GRIK2: variants seen among roughly 807,000 people sequenced by gnomAD.
The protein encoded by GRIK2 is glutamate ionotropic receptor kainate type subunit 2.
A neutral mutation model predicts 100.3 loss-of-function variants in GRIK2; 32 were observed. That is an observed-to-expected ratio of 0.32 (90% CI 0.24 to 0.43). GRIK2 has a LOEUF of 0.43. Among genes scored for constraint, GRIK2 ranks in the 20% least tolerant of loss-of-function variants. The pLI is 1.00. For missense variants in GRIK2, 843 were observed against 1,114.9 expected, an observed-to-expected ratio of 0.76 and a Z score of 3.47; for synonymous variants, 417 against 389.4, an observed-to-expected ratio of 1.07 and a Z score of -0.83.
At chr6:101,523,720 C>CT (rs1163558120) in intron 2 of GRIK2, among the ~76,000 whole-genome samples, 3,428 of 121,502 alleles carry the variant, frequency 0.028, 82 homozygotes, top group African/African-American at 0.038. Context: ...ACTCCTAAGT[C>CT]TTTTTTTTTT....
chr6:101,816,925 T>A (rs527377539), intron 9 of GRIK2, among the ~76,000 whole-genome samples: 6 of 152,230 alleles, frequency 3.9e-5, no homozygotes, highest in African/African-American at 1.4e-4. Flanking sequence ...TGGCCCCTCC[T>A]TTCTACTGTG....
chr6:102,052,297 T>C (rs116536120), intron 15 of GRIK2, among the ~76,000 whole-genome samples: 292 of 152,374 alleles, frequency 1.9e-3, no homozygotes, highest in African/African-American at 6.9e-3. Context: ...CATTGATTTA[T>C]TGGCATTGAT....
At chr6:102,016,039 C>T (rs1322090921) in intron 14 of GRIK2, among the ~76,000 whole-genome samples, 3 of 152,076 alleles carry the variant, frequency 2.0e-5, no homozygotes, top group African/African-American at 7.2e-5. Context: ...GGAACATCAG[C>T]CCACAAAGAT....
At chr6:101,720,507 A>G (rs939960012) in intron 7 of GRIK2, among the ~76,000 whole-genome samples, 1 of 152,054 alleles carries the variant, frequency 6.6e-6, no homozygotes, top group East Asian at 1.9e-4. Flanking sequence ...AGTATTGTCT[A>G]TTAATAATTC....
chr6:101,580,931 C>T (rs1236126957), intron 2 of GRIK2, among the ~76,000 whole-genome samples: 1 of 152,034 alleles, frequency 6.6e-6, no homozygotes, highest in Non-Finnish European at 1.5e-5. Context: ...CTGCCCAACT[C>T]CTAGCACTCC....
At chr6:101,397,125 T>A (rs190997179) in intron 1 of GRIK2, among the ~76,000 whole-genome samples, 19 of 152,340 alleles carry the variant, frequency 1.2e-4, no homozygotes, top group African/African-American at 4.6e-4. Context: ...TTTTGTTTTC[T>A]CAGGTTCCAA....
At chr6:101,573,277 A>G (rs627428) in intron 2 of GRIK2, among the ~76,000 whole-genome samples, 30,741 of 152,016 alleles carry the variant, frequency 0.2, 5,526 homozygotes, top group African/African-American at 0.49. Flanking sequence ...TTTATTGTCT[A>G]TGTTTGTCTT....
At chr6:101,778,313 T>C (rs1326789628) in intron 7 of GRIK2, among the ~76,000 whole-genome samples, 1 of 152,096 alleles carries the variant, frequency 6.6e-6, no homozygotes, top group Non-Finnish European at 1.5e-5. Flanking sequence ...CCAAGAAAAA[T>C]GGTGAATCAC....
intron 4 of GRIK2, among the ~76,000 whole-genome samples, chr6:101,656,377 G>A (rs1769178015): frequency 6.6e-6 from 1 of 150,798 alleles, no homozygotes; most frequent in Non-Finnish European, 1.5e-5. Context: ...CAAGACAATA[G>A]CAATGAAGAA....
At chr6:101,659,411 T>C (rs1219182330) in intron 4 of GRIK2, among the ~76,000 whole-genome samples, 1 of 152,214 alleles carries the variant, frequency 6.6e-6, no homozygotes, top group African/African-American at 2.4e-5. Flanking sequence ...TTGGTTACTG[T>C]AGCCTTTTAG....
intron 2 of GRIK2, among the ~76,000 whole-genome samples, chr6:101,546,526 T>C (rs1180648504): frequency 6.6e-6 from 1 of 152,108 alleles, no homozygotes; most frequent in Non-Finnish European, 1.5e-5. Context: ...TAAATCCCGG[T>C]TTCACACTTA....
In GRIK2 at chr6:101,698,557, C is replaced by T. The variant is rs1772658787; in HGVS notation, c.951+12204C>T. Among the ~76,000 whole-genome samples, 5 of 152,030 alleles carry T rather than the reference C, an allele frequency of 3.3e-5. No individual in the cohort carries two copies. The South Asian group carries it at 1.0e-3, about 31-fold the overall frequency. ...AGAAGGGGAAAGTGAAGTTAGTAAA[C>T]AGACACAGATGTTGAAATGGTACCA... On this transcript the variant is annotated intron_variant, in intron 7 of 16. Coordinates refer to ENST00000369134, the MANE Select transcript of GRIK2 (RefSeq NM_021956.5).
intron 2 of GRIK2, among the ~76,000 whole-genome samples, chr6:101,541,355 G>T (rs1293350657): frequency 3.1e-5 from 1 of 31,820 alleles, no homozygotes; most frequent in Non-Finnish European, 5.8e-5. Context: ...GGTAACAGAT[G>T]TTACACCCCA....
intron 10 of GRIK2, among the ~76,000 whole-genome samples, chr6:101,829,711 A>C (rs982429562): frequency 6.6e-6 from 1 of 151,916 alleles, no homozygotes. Context: ...CTTTATGAGG[A>C]GCACTAAAGA....
intron 2 of GRIK2, among the ~76,000 whole-genome samples, chr6:101,464,840 G>C (rs1771559449): frequency 6.6e-6 from 1 of 152,074 alleles, no homozygotes; most frequent in Non-Finnish European, 1.5e-5. Flanking sequence ...TTATAAAAAA[G>C]ACTTTGTGGT....
intron 14 of GRIK2, among the ~76,000 whole-genome samples, chr6:101,997,897 C>T (rs186727164): frequency 6.6e-6 from 1 of 151,964 alleles, no homozygotes; most frequent in East Asian, 1.9e-4. Context: ...ATACATTTGC[C>T]AAGTAACTAA....
chr6:101,993,884 T>C (rs1378942732), intron 14 of GRIK2: 1 of 147,906 alleles, frequency 6.8e-6, no homozygotes, highest in African/African-American at 2.5e-5. Context: ...AATAGGTACA[T>C]TGATATATAT....
intron 16 of GRIK2, among the ~76,000 whole-genome samples, chr6:102,063,759 A>T (rs943479737): frequency 2.1e-5 from 1 of 48,124 alleles, no homozygotes; most frequent in Non-Finnish European, 5.5e-5. Flanking sequence ...AGAGCTCTTT[A>T]AAAAAAAAAA....
At chr6:101,541,427 CACTA>C (rs1775991056) in intron 2 of GRIK2, among the ~76,000 whole-genome samples, 3 of 54,030 alleles carry the variant, frequency 5.6e-5, no homozygotes, top group Non-Finnish European at 1.1e-4. Context: ...CATACACACA[CACTA>C]CACCCTTATA....
Sources: gnomAD v4.1 joint callset for allele counts (sites outside exome capture counted in the v4.1 genomes callset) on GRCh38, gnomAD v4.1.1 for gene constraint, MANE v1.5 for transcripts, NCBI Gene and HGNC (gene_info 2026-07-23, HGNC 2026-07-21) for gene names.